The following FAM13A variants were observed in gnomAD, a reference collection of about 807,000 sequenced individuals.
FAM13A encodes protein FAM13A.
Under a neutral mutation model 129.6 loss-of-function variants are expected in FAM13A, and 76 were observed. The observed-to-expected ratio is 0.59, with a 90% CI of 0.49 to 0.71. The LOEUF (loss-of-function observed/expected upper bound fraction) is 0.71. Ranked by LOEUF, FAM13A falls within the 30% of genes least tolerant of loss-of-function variation. FAM13A has a pLI of 0.00. For synonymous variants in FAM13A, 443 were observed against 449.9 expected, an observed-to-expected ratio of 0.98 and a Z score of 0.20; for missense variants, 1,108 against 1,249.3, an observed-to-expected ratio of 0.89 and a Z score of 1.70.
chr4:89,001,688 C>T (rs1398050098), intron 3 of FAM13A, among the ~76,000 whole-genome samples: 1 of 151,958 alleles, frequency 6.6e-6, no homozygotes, highest in Non-Finnish European at 1.5e-5. Context: ...GTAAAATTTG[C>T]AAGTCGAAAC....
intron 19 of FAM13A, among the ~76,000 whole-genome samples, chr4:88,744,037 TAGAC>T (rs1375657952): frequency 2.0e-5 from 3 of 152,148 alleles, no homozygotes; most frequent in African/African-American, 7.2e-5. Flanking sequence ...GTTATCATAA[TAGAC>T]AGTAAAAAGA....
intron 1 of FAM13A, among the ~76,000 whole-genome samples, chr4:89,032,462 A>G (rs1176455977): frequency 6.6e-6 from 1 of 152,182 alleles, no homozygotes; most frequent in African/African-American, 2.4e-5. Context: ...TACTGTTAGA[A>G]TAATCCTTAG....
At chr4:88,983,337 A>C (rs1761871722) in intron 4 of FAM13A, among the ~76,000 whole-genome samples, 1 of 152,176 alleles carries the variant, frequency 6.6e-6, no homozygotes, top group Admixed American at 6.5e-5. Context: ...AATAAACAAA[A>C]TAAGTATTCA....
chr4:88,886,671 C>G (rs1744473720), intron 6 of FAM13A, among the ~76,000 whole-genome samples: 1 of 151,852 alleles, frequency 6.6e-6, no homozygotes, highest in African/African-American at 2.4e-5. Flanking sequence ...CTTTGGGAGG[C>G]TGAAGTGGGT....
At chr4:88,753,039 T>C (rs1402568181) in intron 14 of FAM13A, among the ~76,000 whole-genome samples, 1 of 152,180 alleles carries the variant, frequency 6.6e-6, no homozygotes, top group East Asian at 1.9e-4. Context: ...GGCATATGAG[T>C]GTGCTGGTTA....
chr4:88,899,514 T>G (rs775198903), intron 6 of FAM13A, among the ~76,000 whole-genome samples: 23 of 151,910 alleles, frequency 1.5e-4, no homozygotes, highest in Non-Finnish European at 2.9e-4. Context: ...AATAAATAAA[T>G]AAATGTCATG....
intron 1 of FAM13A, among the ~76,000 whole-genome samples, chr4:89,036,258 G>C (rs535216827): frequency 6.6e-6 from 1 of 152,176 alleles, no homozygotes; most frequent in African/African-American, 2.4e-5. Context: ...TTGAGAACTG[G>C]AGTAAAGGTT....
At chr4:89,027,553 T>C (rs1768128520) in intron 2 of FAM13A, among the ~76,000 whole-genome samples, 1 of 151,974 alleles carries the variant, frequency 6.6e-6, no homozygotes, top group African/African-American at 2.4e-5. Flanking sequence ...TGGGAGAGAT[T>C]TGTTCTTACC....
At chr4:88,875,516 T>C (rs867856046) in intron 6 of FAM13A, among the ~76,000 whole-genome samples, 1 of 152,356 alleles carries the variant, frequency 6.6e-6, no homozygotes, top group African/African-American at 2.4e-5. Context: ...AAGAGATTTA[T>C]GCAGCCAACA....
At chr4:88,987,095 C>T (rs994297393) in intron 4 of FAM13A, among the ~76,000 whole-genome samples, 1 of 152,158 alleles carries the variant, frequency 6.6e-6, no homozygotes, top group African/African-American at 2.4e-5. Context: ...GTCAAAAGGA[C>T]ACAGTTGCCA....
chr4:88,913,481 G>GGAAGAA (rs1286293324), intron 5 of FAM13A, among the ~76,000 whole-genome samples: 1 of 132,620 alleles, frequency 7.5e-6, no homozygotes, highest in Non-Finnish European at 1.6e-5. Flanking sequence ...AGGAGGAAGA[G>GGAAGAA]GAAGAAGAAG....
At chr4:88,950,441 C>T (rs1295269751) in intron 4 of FAM13A, among the ~76,000 whole-genome samples, 1 of 152,064 alleles carries the variant, frequency 6.6e-6, no homozygotes, top group Non-Finnish European at 1.5e-5. Flanking sequence ...AAAATCAGAT[C>T]ACTATTAATT....
chr4:88,923,179 A>T (rs1751432620), intron 5 of FAM13A, among the ~76,000 whole-genome samples: 1 of 152,188 alleles, frequency 6.6e-6, no homozygotes, highest in African/African-American at 2.4e-5. Context: ...AAAAAGAGGG[A>T]ATCCTCCCTA....
chr4:89,047,402 T>C (rs942865034), intron 1 of FAM13A, among the ~76,000 whole-genome samples: 1 of 152,174 alleles, frequency 6.6e-6, no homozygotes, highest in African/African-American at 2.4e-5. Context: ...AACAGTTAAA[T>C]TCTCTATATA....
At chr4:88,880,551 C>T (rs1743348685) in intron 6 of FAM13A, among the ~76,000 whole-genome samples, 1 of 152,064 alleles carries the variant, frequency 6.6e-6, no homozygotes, top group African/African-American at 2.4e-5. Context: ...AGCTGAACTT[C>T]ACAACAATTT....
chr4:88,909,906 T>A (rs1255606670), intron 5 of FAM13A, among the ~76,000 whole-genome samples: 1 of 152,206 alleles, frequency 6.6e-6, no homozygotes, highest in Non-Finnish European at 1.5e-5. Flanking sequence ...TTCAATGGTA[T>A]GTGAATTATA....
At chr4:88,981,623 G>T (rs949352054) in intron 4 of FAM13A, among the ~76,000 whole-genome samples, 1 of 152,184 alleles carries the variant, frequency 6.6e-6, no homozygotes, top group African/African-American at 2.4e-5. Flanking sequence ...GAGGATGTTG[G>T]TGTATTATTT....
chr4:88,833,429 T>A (rs2149892594), intron 7 of FAM13A, among the ~76,000 whole-genome samples: 1 of 152,308 alleles, frequency 6.6e-6, no homozygotes, highest in East Asian at 1.9e-4. Context: ...CTTATTTTGT[T>A]CATTAAACAT....
At chr4:88,951,450 C>G (rs1210152155) in intron 4 of FAM13A, among the ~76,000 whole-genome samples, 1 of 152,108 alleles carries the variant, frequency 6.6e-6, no homozygotes, top group African/African-American at 2.4e-5. Flanking sequence ...CTTATAGAAA[C>G]TTTTCAAATT....
Sources: gnomAD v4.1 joint callset for allele counts (sites outside exome capture counted in the v4.1 genomes callset) on GRCh38, gnomAD v4.1.1 for gene constraint, MANE v1.5 for transcripts, NCBI Gene and HGNC (gene_info 2026-07-23, HGNC 2026-07-21) for gene names.